The following ZSCAN25 variants were observed in gnomAD, a reference collection of about 807,000 sequenced individuals.
ZSCAN25 encodes zinc finger and SCAN domain containing 25.
In ZSCAN25, 27 loss-of-function variants were observed where a neutral mutation model predicts 38.7. The observed-to-expected ratio is 0.70, with a 90% confidence interval of 0.51 to 0.96. ZSCAN25 has a LOEUF of 0.96. Among genes scored for constraint, ZSCAN25 ranks in the 40% least tolerant of loss-of-function variants. The probability of loss-of-function intolerance (pLI) is 0.00; values close to 1 mark genes in which losing one functional copy is unlikely to be tolerated. For missense variants in ZSCAN25, 637 were observed against 705.9 expected, an observed-to-expected ratio of 0.90 and a Z score of 1.11; for synonymous variants, 273 against 277.7, an observed-to-expected ratio of 0.98 and a Z score of 0.17.
At chr7:99,662,025 G>C in the ZSCAN25 span, among the ~76,000 whole-genome samples, 1 of 152,228 alleles carries the variant, frequency 6.6e-6, no homozygotes. This position sits in a 1 kb window ranked among gnomAD's most constrained non-coding sequence, Gnocchi z 4.3. Flanking sequence ...ATCACAGCAA[G>C]TTTTGTTGAG....
the ZSCAN25 span, chr7:99,699,880 C>G: frequency 1.1e-5 from 10 of 890,220 alleles, no homozygotes; most frequent in Admixed American, 5.2e-5. Context: ...CTCTTTTGAT[C>G]TTTAAAACAG....
At chr7:99,665,477 T>C in the ZSCAN25 span, among the ~76,000 whole-genome samples, 2 of 152,224 alleles carry the variant, frequency 1.3e-5, no homozygotes, top group Non-Finnish European at 2.9e-5. Flanking sequence ...AGAAGGTGGT[T>C]ATCTGGTGCC....
At chr7:99,685,666 A>G in the ZSCAN25 span, among the ~76,000 whole-genome samples, 1 of 152,220 alleles carries the variant, frequency 6.6e-6, no homozygotes, top group African/African-American at 2.4e-5. Flanking sequence ...AAACACACAC[A>G]CTGACACACA....
the ZSCAN25 span, among the ~76,000 whole-genome samples, chr7:99,646,903 T>G: frequency 6.6e-6 from 1 of 151,634 alleles, no homozygotes; most frequent in Non-Finnish European, 1.5e-5. Context: ...CTATTATCTA[T>G]CTATCATCTG....
the ZSCAN25 span, among the ~76,000 whole-genome samples, chr7:99,637,680 T>C: frequency 6.6e-6 from 1 of 152,206 alleles, no homozygotes; most frequent in African/African-American, 2.4e-5. Context: ...TTTACTATAC[T>C]GGTCTTAGAT....
chr7:99,663,494 A>G, the ZSCAN25 span: 4 of 990,716 alleles, frequency 4.0e-6, no homozygotes, highest in Non-Finnish European at 4.8e-6. Context: ...TGTTCACTCC[A>G]GGCTGTGAAA....
chr7:99,627,210 A>G (rs981601286), intron 7 of ZSCAN25, among the ~76,000 whole-genome samples: 2 of 152,220 alleles, frequency 1.3e-5, no homozygotes, highest in Non-Finnish European at 2.9e-5. Context: ...TTTGTCTAAC[A>G]ATGACATTCC....
rs974549515 is a variant in ZSCAN25 at position 99,630,097 on chromosome 7, A to C, written c.*77A>C. The C allele has an allele frequency of 1.7e-4, 250 of 1,446,534 alleles. No individual in the cohort carries two copies. The highest frequency in any genetic ancestry group is 2.2e-4 in the Non-Finnish European group (243 of 1,101,144). 89.6% of individuals were successfully genotyped at this position (1,446,534 alleles called of 1,614,324 possible). A position where few individuals can be genotyped will look rare whatever the true frequency, so the allele number is the denominator to read the frequency against. ...TTGCGGGGTGCAAGGTGATGGCTGC[A>C]GGAAAGCACTGGTCCCATCGCCTTC... is the stretch of plus-strand genomic sequence containing the variant. On this transcript the variant is annotated 3_prime_UTR_variant, in exon 8 of 8. Coordinates refer to ENST00000394152, the MANE Select transcript of ZSCAN25 (RefSeq NM_145115.3).
the ZSCAN25 span, among the ~76,000 whole-genome samples, chr7:99,651,947 T>C: frequency 6.6e-6 from 1 of 152,184 alleles, no homozygotes; most frequent in Non-Finnish European, 1.5e-5. Context: ...CCATTAGGGA[T>C]GAGGACTTCT....
chr7:99,695,188 A>T, the ZSCAN25 span, among the ~76,000 whole-genome samples: 3 of 152,316 alleles, frequency 2.0e-5, no homozygotes, highest in East Asian at 5.8e-4. Context: ...GGGTAGAGCC[A>T]TGGAAATACC....
At position 99,631,313 on chromosome 7, in the gene ZSCAN25, T is replaced by C. The variant is rs1584374662; in HGVS notation, c.*1293T>C. The C allele has an allele frequency of 3.0e-6, 3 of 985,318 alleles. No homozygotes were observed. The highest frequency in any genetic ancestry group is 3.6e-6 in the Non-Finnish European group (3 of 829,918). 61.0% of individuals were successfully genotyped at this position (985,318 alleles called of 1,614,324 possible). Reference sequence around the variant, plus strand: ...TGAGCTGGTAGCGACCTGTTTTGCATGAGTGCCAAGTCAGGAAAAATAAAG... The same window carrying C: ...TGAGCTGGTAGCGACCTGTTTTGCACGAGTGCCAAGTCAGGAAAAATAAAG... On this transcript the variant is annotated 3_prime_UTR_variant, in exon 8 of 8. Transcript: ENST00000394152.
At chr7:99,731,069 G>T in the ZSCAN25 span, 1 of 1,613,760 alleles carries the variant, frequency 6.2e-7, no homozygotes, top group Non-Finnish European at 8.5e-7. Context: ...CTTACGGAAG[G>T]ACAAAGCATT....
At chr7:99,622,678 G>A (rs773262076) in intron 6 of ZSCAN25, 38 bp downstream of exon 6, 3 of 1,592,508 alleles carry the variant, frequency 1.9e-6, no homozygotes, top group East Asian at 4.5e-5. Context: ...CATGACCGTT[G>A]CTTTGATTGA....
Position 99,630,169 on chromosome 7 carries a change from G to A in ZSCAN25, c.*149G>A. 4.2e-6 allele frequency: 6 copies of A among 1,418,352 alleles called. No individual in the cohort carries two copies. Among genetic ancestry groups the A allele is most frequent in the South Asian group, 1.6e-5 (1 of 62,840 alleles). The allele number at this position is 1,418,352 out of a possible 1,614,324, so 87.9% of individuals were successfully genotyped here. ...AAAGGCAAGGCCTGGCTTACTTAGAGCTTCCAGAGAGCATAGCTGCTTCCA... is the reference window on the plus strand; with the variant it reads ...AAAGGCAAGGCCTGGCTTACTTAGAACTTCCAGAGAGCATAGCTGCTTCCA... On this transcript the variant is annotated 3_prime_UTR_variant, in exon 8 of 8. Coordinates refer to ENST00000394152, the MANE Select transcript of ZSCAN25 (RefSeq NM_145115.3).
chr7:99,685,451 A>G, the ZSCAN25 span, among the ~76,000 whole-genome samples: 7 of 152,214 alleles, frequency 4.6e-5, no homozygotes, highest in African/African-American at 1.7e-4. Context: ...CTCCTTTGCT[A>G]AAAGATCAAT....
chr7:99,653,497 A>C, the ZSCAN25 span, among the ~76,000 whole-genome samples: 1 of 146,944 alleles, frequency 6.8e-6, no homozygotes, highest in South Asian at 2.2e-4. The surrounding 1 kb of genome is among the most constrained non-coding windows in gnomAD (Gnocchi z 4.2). Flanking sequence ...TTGTGGATAA[A>C]CTTGTTCCTT....
chr7:99,643,789 C>T, the ZSCAN25 span, among the ~76,000 whole-genome samples: 1 of 151,656 alleles, frequency 6.6e-6, no homozygotes, highest in Admixed American at 6.6e-5. Flanking sequence ...CTCAGCCCCA[C>T]ATCTGAGTTG....
chr7:99,663,419 C>T, the ZSCAN25 span: 4 of 990,562 alleles, frequency 4.0e-6, no homozygotes, highest in Non-Finnish European at 4.8e-6. Flanking sequence ...CGGCTGGCCT[C>T]TAGGGCTCGT....
At chr7:99,670,320 A>G in the ZSCAN25 span, among the ~76,000 whole-genome samples, 4 of 152,180 alleles carry the variant, frequency 2.6e-5, no homozygotes, top group Admixed American at 2.6e-4. Context: ...TAACAATACA[A>G]TGTTTCAAAC....
Sources: allele counts gnomAD v4.1 joint callset (sites outside exome capture counted in the v4.1 genomes callset), GRCh38; gene constraint gnomAD v4.1.1; non-coding constraint Gnocchi (gnomAD v3.1); transcripts MANE v1.5; gene names NCBI Gene and HGNC (gene_info 2026-07-23, HGNC 2026-07-21).